SSBP2: variants seen among roughly 807,000 people sequenced by gnomAD.
The protein encoded by SSBP2 is single stranded DNA binding protein 2.
Under a neutral mutation model 61.8 loss-of-function variants are expected in SSBP2, and 17 were observed. The observed-to-expected ratio is 0.28, with a 90% confidence interval of 0.19 to 0.41. The LOEUF is 0.41. SSBP2 is among the 10% of genes least tolerant of loss of function. SSBP2 has a pLI of 1.00. For missense variants in SSBP2, 310 were observed against 458.7 expected (o/e 0.68, Z 2.96); for synonymous variants, 139 against 141.3 (o/e 0.98, Z 0.12).
chr5:81,566,707 G>A (rs1419290699), intron 4 of SSBP2, among the ~76,000 whole-genome samples: 1 of 152,214 alleles, frequency 6.6e-6, no homozygotes, highest in Non-Finnish European at 1.5e-5. Context: ...ACAGGAAAAT[G>A]TGGGAAAATT....
Position 81,417,341 on chromosome 5 carries a change from C to T in SSBP2, c.*3163G>A, listed in dbSNP as rs1457169578. 13 of 152,188 alleles carry T rather than the reference C, an allele frequency of 8.5e-5. No individual in the cohort carries two copies. The highest frequency in any genetic ancestry group is 1.6e-4 in the Non-Finnish European group (11 of 68,022). The allele number at this position is 152,188 out of a possible 1,614,324, so 9.4% of individuals were successfully genotyped here. Reference sequence around the variant, plus strand: ...CCATGGGCAACTTTGCTGTAAGACACGTAGTTAAGAATCATACATACCCTC... The same window carrying T: ...CCATGGGCAACTTTGCTGTAAGACATGTAGTTAAGAATCATACATACCCTC... On this transcript the variant is annotated 3_prime_UTR_variant, in exon 17 of 17. Coordinates refer to ENST00000320672, the MANE Select transcript of SSBP2 (RefSeq NM_012446.5).
In SSBP2 at chr5:81,420,359, G is replaced by A; in HGVS notation, c.*145C>T. The stretch of plus-strand genomic sequence containing the variant: ...TGGACCCGCTTTCTTCACAAAAGAG[G>A]GGAGAGAGCAGGAAATAAAAAGGTT... On this transcript the variant is annotated 3_prime_UTR_variant, in exon 17 of 17. Coordinates refer to ENST00000320672, the MANE Select transcript of SSBP2 (RefSeq NM_012446.5). 1.4e-6 allele frequency: 1 copy of A among 725,700 alleles called. No homozygotes were observed. The allele number at this position is 725,700 out of a possible 1,614,324, so 45.0% of individuals were successfully genotyped here. A position where few individuals can be genotyped will look rare whatever the true frequency, so the allele number is the denominator to read the frequency against.
At chr5:81,714,889 T>C (rs1034628396) in intron 1 of SSBP2, among the ~76,000 whole-genome samples, 1 of 152,102 alleles carries the variant, frequency 6.6e-6, no homozygotes, top group African/African-American at 2.4e-5. Context: ...ACAAATGGGA[T>C]CTAATCAAAC....
intron 4 of SSBP2, among the ~76,000 whole-genome samples, chr5:81,551,074 T>G (rs1408384845): frequency 2.4e-5 from 3 of 124,700 alleles, no homozygotes; most frequent in African/African-American, 9.9e-5. Flanking sequence ...CCACCCTGGG[T>G]GACAGAACGA....
chr5:81,596,191 G>A (rs865816692), intron 4 of SSBP2, among the ~76,000 whole-genome samples: 19 of 151,930 alleles, frequency 1.3e-4, no homozygotes, highest in East Asian at 5.8e-4. Context: ...TTATACACCA[G>A]TAACAGACAA....
At chr5:81,615,781 T>A (rs1338782507) in intron 3 of SSBP2, among the ~76,000 whole-genome samples, 14 of 152,166 alleles carry the variant, frequency 9.2e-5, no homozygotes, top group Non-Finnish European at 1.5e-5. Flanking sequence ...TAAAAAAAAA[T>A]TTATAGCAAT....
chr5:81,585,282 T>C (rs1338716401), intron 4 of SSBP2, among the ~76,000 whole-genome samples: 1 of 152,094 alleles, frequency 6.6e-6, no homozygotes, highest in East Asian at 1.9e-4. Flanking sequence ...ATACTACCTA[T>C]CTTCAGTTTA....
At chr5:81,568,387 G>C (rs1431908573) in intron 4 of SSBP2, among the ~76,000 whole-genome samples, 2 of 152,058 alleles carry the variant, frequency 1.3e-5, no homozygotes, top group Non-Finnish European at 2.9e-5. Context: ...GATGAGACTT[G>C]CCTCCTCCTT....
chr5:81,587,047 CCTTATAAG>C lies in SSBP2; in HGVS notation c.282+28418_282+28425del, dbSNP rs557521641. On this transcript the variant is annotated intron_variant, in intron 4 of 16. Transcript: ENST00000320672. ...TGCATCTGGTTTCCTCCAGACTTTC[CCTTATAAG>C]CTATTTCTCTTTTCCTCTCGTTTTC... Among the ~76,000 whole-genome samples, 28 of 152,208 alleles carry C rather than the reference CCTTATAAG, an allele frequency of 1.8e-4. No individual in the cohort carries two copies. The East Asian group carries it at 4.6e-3, about 25-fold the overall frequency.
At chr5:81,549,825 G>A (rs1391740347) in intron 4 of SSBP2, among the ~76,000 whole-genome samples, 1 of 152,130 alleles carries the variant, frequency 6.6e-6, no homozygotes, top group Non-Finnish European at 1.5e-5. Context: ...ACCCTCTAAG[G>A]TGATAATTAC....
At chr5:81,494,814 A>T (rs1380146266) in intron 5 of SSBP2, among the ~76,000 whole-genome samples, 4 of 152,200 alleles carry the variant, frequency 2.6e-5, no homozygotes, top group Non-Finnish European at 4.4e-5. Context: ...ATATTTGGTG[A>T]CAAAATGAAA....
intron 1 of SSBP2, among the ~76,000 whole-genome samples, chr5:81,731,564 A>G (rs1289737470): frequency 6.6e-6 from 1 of 152,142 alleles, no homozygotes; most frequent in Non-Finnish European, 1.5e-5. Context: ...TAAACAATAC[A>G]AAGTCGATTA....
intron 15 of SSBP2, among the ~76,000 whole-genome samples, chr5:81,429,903 G>A (rs1235833082): frequency 6.6e-6 from 1 of 152,176 alleles, no homozygotes; most frequent in Non-Finnish European, 1.5e-5. Context: ...AGGATCCTCT[G>A]AAGTCCATTG....
chr5:81,447,903 A>G (rs553742476), intron 11 of SSBP2: 1 of 152,210 alleles, frequency 6.6e-6, no homozygotes, highest in Non-Finnish European at 1.5e-5. Context: ...TTAGTTTTAT[A>G]GCTTACATGA....
chr5:81,427,342 G>T (rs966165517), intron 16 of SSBP2, among the ~76,000 whole-genome samples: 1 of 151,820 alleles, frequency 6.6e-6, no homozygotes, highest in Non-Finnish European at 1.5e-5. Context: ...ACTGTAAACT[G>T]TTACACATAA....
At chr5:81,748,899 T>TA (rs555248747) in intron 1 of SSBP2, among the ~76,000 whole-genome samples, 55 of 146,826 alleles carry the variant, frequency 3.7e-4, no homozygotes, top group Middle Eastern at 3.6e-3. Context: ...TCTGAGAAAC[T>TA]AAAAAAAAAA....
At chr5:81,477,551 T>A (rs919640295) in intron 6 of SSBP2, among the ~76,000 whole-genome samples, 1 of 152,202 alleles carries the variant, frequency 6.6e-6, no homozygotes, top group Non-Finnish European at 1.5e-5. Context: ...ATTTGTTCAA[T>A]ATAACCAGTC....
In SSBP2 at chr5:81,448,838, T is replaced by G; in HGVS notation, c.688-13A>C. The G allele has an allele frequency of 1.2e-6, 2 of 1,610,240 alleles. No individual in the cohort carries two copies. The highest frequency in any genetic ancestry group is 1.7e-6 in the Non-Finnish European group (2 of 1,178,660). On this transcript the variant is annotated splice_polypyrimidine_tract_variant and intron_variant, in intron 10 of 16. Transcript: ENST00000320672. ...AGGAGTATGGTATCTGGAACACGAA[T>G]AGGACAAAAAAATTTTTGATTCATG...
At chr5:81,663,988 T>C (rs1376372175) in intron 1 of SSBP2, among the ~76,000 whole-genome samples, 1 of 152,204 alleles carries the variant, frequency 6.6e-6, no homozygotes, top group Non-Finnish European at 1.5e-5. Context: ...TGTGCAAAGG[T>C]AGAGAAGAGA....
Sources: allele counts gnomAD v4.1 joint callset (sites outside exome capture counted in the v4.1 genomes callset), GRCh38; gene constraint gnomAD v4.1.1; transcripts MANE v1.5; gene names NCBI Gene and HGNC (gene_info 2026-07-23, HGNC 2026-07-21).